CARNMT1: variants seen among roughly 807,000 people sequenced by gnomAD.
CARNMT1 encodes protein-L-histidine N-pros-methyltransferase CARNMT1.
CARNMT1 carries 28 observed loss-of-function variants against 49.6 expected under a neutral mutation model. The ratio of observed to expected loss-of-function variants is 0.56; its 90% CI spans 0.42 to 0.77. CARNMT1 has a LOEUF of 0.77. Ranked by LOEUF, CARNMT1 falls within the 30% of genes least tolerant of loss-of-function variation. The pLI is 0.00. For missense variants in CARNMT1, 421 were observed against 512.6 expected (o/e 0.82, Z 1.73); for synonymous variants, 178 against 175.0 (o/e 1.02, Z -0.13).
At chr9:74,990,896 ATTGT>A (rs1832989982) in intron 6 of CARNMT1, among the ~76,000 whole-genome samples, 1 of 151,260 alleles carries the variant, frequency 6.6e-6, no homozygotes, top group African/African-American at 2.4e-5. Context: ...AGAGAGAAAG[ATTGT>A]TTGACTGGAT....
chr9:75,021,891 T>C (rs1445271618), intron 1 of CARNMT1, among the ~76,000 whole-genome samples: 2 of 152,218 alleles, frequency 1.3e-5, no homozygotes, highest in African/African-American at 4.8e-5. Context: ...CGAGCTATGA[T>C]TGTGTCACTG....
chr9:74,996,135 C>T (rs865836843), intron 6 of CARNMT1: 96 of 204,948 alleles, frequency 4.7e-4, no homozygotes, highest in African/African-American at 2.1e-3. Flanking sequence ...CCTAACAGAA[C>T]GGACCACTGT....
chr9:75,003,315 T>C (rs1385445406), intron 3 of CARNMT1, among the ~76,000 whole-genome samples: 4 of 152,382 alleles, frequency 2.6e-5, no homozygotes, highest in African/African-American at 9.6e-5. Context: ...AGTTCTATTA[T>C]AGTTTACATA....
chr9:75,028,014 G>A lies in CARNMT1; in HGVS notation c.228C>T (p.Tyr76=). 1.9e-6 allele frequency: 3 copies of A among 1,567,998 alleles called. No homozygotes were observed. The highest frequency in any genetic ancestry group is 1.2e-5 in the South Asian group (1 of 86,584). Residue 76 remains tyrosine, a splice_region_variant and synonymous_variant, in exon 1 of 8, where the codon TAC becomes TAT. Coordinates refer to ENST00000376834, the MANE Select transcript of CARNMT1 (RefSeq NM_152420.3). The stretch of plus-strand genomic sequence containing the variant: ...GGGGTCCGCCACGGGCTCCTTACCC[G>A]TAGTAGCGGAAGGCATTAATGATCT... ...FWKIINAFRY[Y]GTSMHERVNR...
intron 3 of CARNMT1, among the ~76,000 whole-genome samples, chr9:75,011,818 G>A (rs1833698326): frequency 6.6e-6 from 1 of 152,162 alleles, no homozygotes; most frequent in African/African-American, 2.4e-5. Context: ...CAAACAGAGA[G>A]CAGCTAAGAC....
rs910541986 is a variant in CARNMT1, at chr9:75,028,271, T to C, written c.-30A>G. ...GCCGCGGCCCTCGGCCTGGCTCGCT[T>C]GCGTCTCTCCGCGACCGACAGCGTG... On this transcript the variant is annotated 5_prime_UTR_variant, in exon 1 of 8. Coordinates refer to ENST00000376834, the MANE Select transcript of CARNMT1 (RefSeq NM_152420.3). The C allele has an allele frequency of 1.8e-4, 242 of 1,353,556 alleles. No individual in the cohort carries two copies. Among genetic ancestry groups the C allele is most frequent in the Non-Finnish European group, 2.3e-4 (238 of 1,057,226 alleles). 83.8% of individuals were successfully genotyped at this position (1,353,556 alleles called of 1,614,324 possible).
chr9:75,028,416 A>G (rs1587321308), upstream of CARNMT1: 7 of 1,288,276 alleles, frequency 5.4e-6, no homozygotes, highest in East Asian at 9.8e-5. Flanking sequence ...CCAGGTCTTC[A>G]GGGCTCCCAG....
intron 6 of CARNMT1, among the ~76,000 whole-genome samples, chr9:74,986,054 A>G (rs1271598612): frequency 1.3e-5 from 2 of 152,228 alleles, no homozygotes; most frequent in Admixed American, 6.5e-5. Flanking sequence ...CTTTCAATCT[A>G]TCATTTTGCC....
intron 6 of CARNMT1, among the ~76,000 whole-genome samples, chr9:74,993,326 A>T (rs1833087048): frequency 1.3e-5 from 2 of 152,228 alleles, no homozygotes; most frequent in South Asian, 4.1e-4. Context: ...ACAGAAGAGA[A>T]AGAAAGGGCT....
intron 1 of CARNMT1, among the ~76,000 whole-genome samples, chr9:75,019,864 T>C (rs905016373): frequency 3.3e-5 from 5 of 152,252 alleles, no homozygotes; most frequent in African/African-American, 7.2e-5. Flanking sequence ...GCAGTCACTA[T>C]CATATTGGCC....
intron 1 of CARNMT1, among the ~76,000 whole-genome samples, chr9:75,021,464 A>G (rs1564107450): frequency 7.9e-6 from 1 of 127,254 alleles, no homozygotes; most frequent in African/African-American, 2.7e-5. Flanking sequence ...ATATAGGATA[A>G]ATATATATAC....
At chr9:75,005,827 A>AACACACACACAC (rs10569961) in intron 3 of CARNMT1, among the ~76,000 whole-genome samples, 94 of 135,804 alleles carry the variant, frequency 6.9e-4, no homozygotes, top group East Asian at 2.4e-3. Context: ...GTGAAATTAA[A>AACACACACACAC]ACACACACAC....
At position 75,027,227 on chromosome 9, in the gene CARNMT1, T is replaced by A. The variant is rs971712484; in HGVS notation, c.230+785A>T. ...TGTGATTAAGCTACTTTAACATCTA[T>A]CTAGAAGAAACGTGGAAGTTAGGGA... On this transcript the variant is annotated intron_variant, in intron 1 of 7. Coordinates refer to ENST00000376834, the MANE Select transcript of CARNMT1 (RefSeq NM_152420.3). The A allele has an allele frequency of 1.1e-5, 11 of 1,001,416 alleles. No homozygotes were observed. In the South Asian group the frequency reaches 1.6e-4, roughly 14 times the overall value. 62.0% of individuals were successfully genotyped at this position (1,001,416 alleles called of 1,614,324 possible). A position where few individuals can be genotyped will look rare whatever the true frequency, so the allele number is the denominator to read the frequency against.
intron 3 of CARNMT1, among the ~76,000 whole-genome samples, chr9:75,007,779 G>A (rs149666633): frequency 8.1e-4 from 117 of 144,112 alleles, no homozygotes; most frequent in Non-Finnish European, 1.5e-3. Context: ...TCTTCAACAC[G>A]ATAAAGGGTA....
At chr9:75,013,396 T>A (rs1245587771) in intron 3 of CARNMT1, among the ~76,000 whole-genome samples, 1 of 152,164 alleles carries the variant, frequency 6.6e-6, no homozygotes, top group Admixed American at 6.5e-5. Flanking sequence ...AAGTTATTTT[T>A]AAATAAAAAT....
At chr9:75,016,478 T>G in intron 2 of CARNMT1, 47 bp from the exon 3 acceptor site, 3 of 1,583,212 alleles carry the variant, frequency 1.9e-6, no homozygotes, top group Non-Finnish European at 2.6e-6. Flanking sequence ...AGTAATCCAC[T>G]TATATTATGG....
chr9:75,008,336 A>C (rs1048342068), intron 3 of CARNMT1, among the ~76,000 whole-genome samples: 1 of 152,184 alleles, frequency 6.6e-6, no homozygotes, highest in Non-Finnish European at 1.5e-5. Flanking sequence ...AATCTTTATA[A>C]ATTTTTTTTT....
intron 3 of CARNMT1, among the ~76,000 whole-genome samples, chr9:75,006,456 T>C (rs1833514810): frequency 6.6e-6 from 1 of 152,224 alleles, no homozygotes; most frequent in Admixed American, 6.5e-5. Flanking sequence ...CTGTTTAGGT[T>C]TTTTTGATAG....
At chr9:75,010,828 G>GTGGGGAGAATGA (rs71368698) in intron 3 of CARNMT1, among the ~76,000 whole-genome samples, 3 of 152,024 alleles carry the variant, frequency 2.0e-5, no homozygotes, top group Non-Finnish European at 4.4e-5. Context: ...GGGGAGAATG[G>GTGGGGAGAATGA]GGAGTAACTG....
Sources: allele counts gnomAD v4.1 joint callset (sites outside exome capture counted in the v4.1 genomes callset), GRCh38; gene constraint gnomAD v4.1.1; transcripts MANE v1.5; gene names NCBI Gene and HGNC (gene_info 2026-07-23, HGNC 2026-07-21).